SEC24B: variants seen among roughly 807,000 people sequenced by gnomAD.
SEC24B encodes the protein SEC24 homolog B, COPII component.
A neutral mutation model predicts 142.8 loss-of-function variants in SEC24B; 45 were observed. The ratio of observed to expected loss-of-function variants is 0.32; its 90% CI spans 0.25 to 0.40. The LOEUF (loss-of-function observed/expected upper bound fraction) is 0.40. Ranked by LOEUF, SEC24B falls within the 10% of genes least tolerant of loss-of-function variation. SEC24B has a pLI of 1.00. For synonymous variants in SEC24B, 574 were observed against 568.2 expected (o/e 1.01, Z -0.15); for missense variants, 1,409 against 1,526.8 (o/e 0.92, Z 1.29).
At chr4:109,537,026 A>G (rs1725626070) in intron 22 of SEC24B, among the ~76,000 whole-genome samples, 1 of 152,062 alleles carries the variant, frequency 6.6e-6, no homozygotes, top group Non-Finnish European at 1.5e-5. Flanking sequence ...TAACTTCTCT[A>G]TAAAAAGTTC....
At chr4:109,528,380 G>T (rs535536492) in intron 18 of SEC24B, among the ~76,000 whole-genome samples, 16 of 150,474 alleles carry the variant, frequency 1.1e-4, no homozygotes, top group African/African-American at 3.9e-4. Context: ...GAGCCGAGCC[G>T]AGGTCTCGCC....
At chr4:109,485,182 C>T (rs546238834) in intron 4 of SEC24B, among the ~76,000 whole-genome samples, 57 of 152,266 alleles carry the variant, frequency 3.7e-4, no homozygotes, top group African/African-American at 1.3e-3. Flanking sequence ...TGTGGCAAAT[C>T]GTAAACACTC....
At chr4:109,533,732 TTTA>T (rs752400889) in intron 22 of SEC24B, 47 bp downstream of exon 22, 5 of 1,105,074 alleles carry the variant, frequency 4.5e-6, no homozygotes, top group African/African-American at 1.6e-5. Context: ...CTCATTTTTT[TTTA>T]TTGATGTAAA....
Position 109,463,571 on chromosome 4 carries a change from A to G in SEC24B, c.804A>G (p.Pro268=), listed in dbSNP as rs745557578. Residue 268 remains proline, a synonymous_variant, in exon 2 of 24, where the codon CCA becomes CCG. Transcript: ENST00000265175. ...TAACGTGGTCATCTCCAGGCCTTCC[A>G]TCGACTCAAGACAATCTCATCCGAA... ...STLTWSSPGL[P]STQDNLIRNH... 3 of 1,614,166 alleles carry G rather than the reference A, an allele frequency of 1.9e-6. No individual in the cohort carries two copies. The highest frequency in any genetic ancestry group is 3.3e-5 in the Admixed American group (2 of 60,006).
At chr4:109,512,197 T>A in intron 9 of SEC24B, 114 bp downstream of exon 9, 4 of 966,086 alleles carry the variant, frequency 4.1e-6, no homozygotes, top group South Asian at 1.7e-5. Flanking sequence ...TTTCATGCCA[T>A]TTTTAGTAGA....
At chr4:109,515,451 T>G (rs1028113137) in intron 10 of SEC24B, among the ~76,000 whole-genome samples, 5 of 151,172 alleles carry the variant, frequency 3.3e-5, no homozygotes, top group African/African-American at 1.2e-4. Flanking sequence ...TTATTTTAAC[T>G]TTACTTATTT....
intron 14 of SEC24B, 144 bp from the exon 15 acceptor site, chr4:109,524,674 A>T (rs1256740879): frequency 7.3e-6 from 4 of 544,778 alleles, no homozygotes; most frequent in Non-Finnish European, 1.2e-5. Context: ...TATTATTATC[A>T]TAGGGAATCT....
intron 1 of SEC24B, among the ~76,000 whole-genome samples, chr4:109,449,877 G>A (rs561296076): frequency 3.3e-5 from 5 of 152,146 alleles, no homozygotes; most frequent in South Asian, 2.1e-4. Context: ...TCCTTTTCAT[G>A]GTCTGTTTAT....
intron 10 of SEC24B, among the ~76,000 whole-genome samples, chr4:109,514,726 A>C (rs571703728): frequency 4.6e-5 from 7 of 152,074 alleles, no homozygotes; most frequent in African/African-American, 1.4e-4. Context: ...TCAAAAAACT[A>C]TATCTTCTGT....
At chr4:109,443,406 T>TA (rs1491244621) in intron 1 of SEC24B, among the ~76,000 whole-genome samples, 2 of 152,116 alleles carry the variant, frequency 1.3e-5, no homozygotes, top group Non-Finnish European at 2.9e-5. Context: ...TCCTAACAGT[T>TA]ATATATAACT....
chr4:109,467,381 A>G (rs1022267207), intron 2 of SEC24B, among the ~76,000 whole-genome samples: 41 of 151,704 alleles, frequency 2.7e-4, no homozygotes, highest in Non-Finnish European at 5.6e-4. Flanking sequence ...TGAGTGTTAC[A>G]TTAGTTGTTA....
At chr4:109,506,132 T>G (rs968409326) in intron 6 of SEC24B, among the ~76,000 whole-genome samples, 196 bp from the exon 7 acceptor site, 5 of 152,190 alleles carry the variant, frequency 3.3e-5, no homozygotes, top group African/African-American at 1.2e-4. Context: ...GGGTTAACCT[T>G]GCTAATAAGA....
chr4:109,446,776 C>T (rs1729509413), intron 1 of SEC24B, among the ~76,000 whole-genome samples: 1 of 152,160 alleles, frequency 6.6e-6, no homozygotes, highest in African/African-American at 2.4e-5. Flanking sequence ...GTTTAAGTAG[C>T]ATGTAGTATT....
Position 109,510,126 on chromosome 4 carries a change from T to TATA in SEC24B, c.1776+19_1776+21dup. The TATA allele has an allele frequency of 7.0e-7, 1 of 1,429,310 alleles. No individual in the cohort carries two copies. The allele number at this position is 1,429,310 out of a possible 1,614,324, so 88.5% of individuals were successfully genotyped here. On this transcript the variant is annotated intron_variant, in intron 8 of 23. Transcript: ENST00000265175. ...GAGACCTAACGGTAAAGTAACATTT[T>TATA]ATAATATTTATGGGTACTGACATGT...
chr4:109,513,008 T>C (rs1352837277), intron 9 of SEC24B, among the ~76,000 whole-genome samples: 2 of 138,942 alleles, frequency 1.4e-5, no homozygotes, highest in South Asian at 2.3e-4. Context: ...GGAGTCTCAC[T>C]CTGTCACCCA....
At chr4:109,500,544 TAAAAAAA>T (rs749051623) in intron 6 of SEC24B, among the ~76,000 whole-genome samples, 2 of 101,140 alleles carry the variant, frequency 2.0e-5, no homozygotes, top group Non-Finnish European at 4.0e-5. Context: ...GACTCCATCT[TAAAAAAA>T]AAAAAAAAAA....
At chr4:109,530,767 G>A (rs1044754063) in intron 19 of SEC24B, among the ~76,000 whole-genome samples, 3 of 151,526 alleles carry the variant, frequency 2.0e-5, no homozygotes, top group Admixed American at 1.3e-4. Flanking sequence ...CTGGTGGCAC[G>A]CGCCTGTAAT....
intron 7 of SEC24B, among the ~76,000 whole-genome samples, chr4:109,507,034 A>T (rs566099643): frequency 6.6e-6 from 1 of 152,120 alleles, no homozygotes; most frequent in African/African-American, 2.4e-5. Context: ...CCTTTAATAG[A>T]GAAGTTTAGC....
Position 109,463,394 on chromosome 4 carries a change from A to G in SEC24B, c.627A>G (p.Gln209=). The change falls in exon 2 of 24, where the codon CAA becomes CAG. Residue 209 remains glutamine (Q), a synonymous_variant. Transcript: ENST00000265175. ...TGCCTGCTGGTGATACATATGGGCAAATGTTTACCTCACAGAATGCTCCGA... is the reference window on the plus strand; with the variant it reads ...TGCCTGCTGGTGATACATATGGGCAGATGTTTACCTCACAGAATGCTCCGA... The part of the protein sequence containing the change: ...PSLPAGDTYG[Q]MFTSQNAPTV... 6.2e-7 allele frequency: 1 copy of G among 1,614,202 alleles called. No homozygotes were observed. Among genetic ancestry groups the G allele is most frequent in the Non-Finnish European group, 8.5e-7 (1 of 1,180,032 alleles).
Sources: allele counts gnomAD v4.1 joint callset (sites outside exome capture counted in the v4.1 genomes callset), GRCh38; gene constraint gnomAD v4.1.1; transcripts MANE v1.5; gene names NCBI Gene and HGNC (gene_info 2026-07-23, HGNC 2026-07-21).